The following RPRD2 variants were observed in gnomAD, a reference collection of about 807,000 sequenced individuals.
RPRD2 encodes regulation of nuclear pre-mRNA domain-containing protein 2.
RPRD2 carries 12 observed loss-of-function variants against 104.4 expected under a neutral mutation model. The ratio of observed to expected loss-of-function variants is 0.11; its 90% confidence interval spans 0.07 to 0.19. RPRD2 has a LOEUF of 0.19. RPRD2 is among the 10% of genes least tolerant of loss of function. The probability of loss-of-function intolerance (pLI) is 1.00; values close to 1 mark genes in which losing one functional copy is unlikely to be tolerated. For missense variants in RPRD2, 1,543 were observed against 1,790.1 expected, an observed-to-expected ratio of 0.86 and a Z score of 2.49; for synonymous variants, 714 against 684.9, an observed-to-expected ratio of 1.04 and a Z score of -0.66.
At position 150,398,535 on chromosome 1, in the gene RPRD2, T is replaced by TCCTTTC. The variant is rs587626283; in HGVS notation, c.206-19043_206-19038dup. Among the ~76,000 whole-genome samples the TCCTTTC allele has an allele frequency of 7.1e-4, 107 of 151,248 alleles. 2 individuals are homozygous for TCCTTTC. The East Asian group carries it at 0.019, about 27-fold the overall frequency. ...TTATTTCCTTCCTTCTTTCCTTCCT[T>TCCTTTC]CCTTTCCCTTTCCCTTTCCCTTTTT... On this transcript the variant is annotated intron_variant, in intron 1 of 10. Transcript: ENST00000369068.
At chr1:150,418,336 T>C (rs782417227) in intron 2 of RPRD2, among the ~76,000 whole-genome samples, 11 of 152,206 alleles carry the variant, frequency 7.2e-5, no homozygotes, top group Non-Finnish European at 1.3e-4. Context: ...TACTTGACCA[T>C]GTATGTCTCC....
In RPRD2 at chr1:150,402,324, A is replaced by G. The variant is rs587757628; in HGVS notation, c.206-15272A>G. 2.0e-4 allele frequency among the ~76,000 whole-genome samples: 30 copies of G among 152,330 alleles called. No homozygotes were observed. In the South Asian group the frequency reaches 6.0e-3, roughly 30 times the overall value. ...TTCAGTTCAGCAGTTCTACTCTTGC[A>G]CATGTGCCCCAGAATACAGATATAA... On this transcript the variant is annotated intron_variant, in intron 1 of 10. Transcript: ENST00000369068.
At chr1:150,452,204 C>A (rs1667233524) in intron 7 of RPRD2, among the ~76,000 whole-genome samples, 1 of 147,740 alleles carries the variant, frequency 6.8e-6, no homozygotes, top group African/African-American at 2.5e-5. Context: ...ACAGGGAGAA[C>A]ATCATGTGAC....
At chr1:150,392,366 G>A (rs1232745918) in intron 1 of RPRD2, among the ~76,000 whole-genome samples, 5 of 152,166 alleles carry the variant, frequency 3.3e-5, no homozygotes, top group East Asian at 3.9e-4. Context: ...TTAGCTGGGC[G>A]TGGTGGCACA....
intron 4 of RPRD2, among the ~76,000 whole-genome samples, chr1:150,442,907 A>G (rs1666502343): frequency 6.6e-6 from 1 of 152,032 alleles, no homozygotes; most frequent in African/African-American, 2.4e-5. Context: ...AATTTGAGGT[A>G]TTTAGATCCT....
intron 2 of RPRD2, among the ~76,000 whole-genome samples, chr1:150,440,136 A>G (rs1413849560): frequency 6.6e-6 from 1 of 152,110 alleles, no homozygotes; most frequent in Non-Finnish European, 1.5e-5. Flanking sequence ...AGTAGAGATA[A>G]GGTCTCTCTC....
At chr1:150,411,788 C>CAAAAAAA (rs71086508) in intron 1 of RPRD2, among the ~76,000 whole-genome samples, 11 of 70,724 alleles carry the variant, frequency 1.6e-4, no homozygotes, top group African/African-American at 9.1e-4. Context: ...TAGACTGTCT[C>CAAAAAAA]AAAAAAAAAA....
rs1286892184 is a variant in RPRD2, at chr1:150,473,302, C to T, written c.4354C>T (p.Pro1452Ser). Residue 1452 changes from proline to serine, a missense_variant, in exon 11 of 11, where the codon CCA becomes TCA. Pro to Ser is a moderately conservative substitution (Grantham distance 74). Around this residue, in one of 4 missense-constraint regions of RPRD2, gnomAD observed 880 missense variants for 885.6 expected, o/e 0.99. Transcript: ENST00000369068. ...PFARGPPFFAPKRPFFPPRY is the reference protein window; with the variant it reads ...PFARGPPFFASKRPFFPPRY ...TGCTAGGGGCCCTCCGTTCTTTGCA[C>T]CAAAACGCCCATTCTTCCCTCCCAG... The T allele has an allele frequency of 6.2e-7, 1 of 1,612,610 alleles. No individual in the cohort carries two copies. Among genetic ancestry groups the T allele is most frequent in the Non-Finnish European group, 8.5e-7 (1 of 1,179,254 alleles).
intron 1 of RPRD2, among the ~76,000 whole-genome samples, chr1:150,376,594 G>A (rs1330153578): frequency 2.0e-5 from 3 of 150,020 alleles, no homozygotes; most frequent in Non-Finnish European, 4.4e-5. Context: ...TCCGCCTCCC[G>A]GGTTCACGCC....
chr1:150,446,147 G>T, intron 6 of RPRD2, 79 bp from the exon 7 acceptor site: 1 of 992,744 alleles, frequency 1.0e-6, no homozygotes, highest in South Asian at 1.8e-5. Flanking sequence ...ACAAAGAGAG[G>T]TTTTCTTCAA....
chr1:150,439,640 T>TG (rs1377606931), intron 2 of RPRD2, among the ~76,000 whole-genome samples: 3 of 151,922 alleles, frequency 2.0e-5, no homozygotes, highest in African/African-American at 7.3e-5. Context: ...TTTTTTTTTT[T>TG]TGTCTTCAAT....
rs1659670854 is a variant in RPRD2 at position 150,364,495 on chromosome 1, C to T, written c.-220C>T. On this transcript the variant is annotated 5_prime_UTR_variant, in exon 1 of 11. Transcript: ENST00000369068. ...CAATATTGATAAAACCTCCGAGACCCGCAGCCCCTCCTTGCAGCGTGTAGG... is the reference window on the plus strand; with the variant it reads ...CAATATTGATAAAACCTCCGAGACCTGCAGCCCCTCCTTGCAGCGTGTAGG... 6.6e-6 allele frequency among the ~76,000 whole-genome samples: 1 copy of T among 152,046 alleles called. No individual in the cohort carries two copies. The highest frequency in any genetic ancestry group is 1.5e-5 in the Non-Finnish European group (1 of 68,020).
chr1:150,364,776 G>C lies in RPRD2; in HGVS notation c.62G>C (p.Gly21Ala). The change falls in exon 1 of 11, where the codon GGG (glycine) becomes GCG (alanine). Residue 21 changes from glycine (G) to alanine (A), a missense_variant. This residue lies in a region of RPRD2 where 88 missense variants were observed against 96.6 expected (regional missense o/e 0.91). Coordinates refer to ENST00000369068, the MANE Select transcript of RPRD2 (RefSeq NM_015203.5). ...TCCTCCTCGTCGGCCTCTTCGGCAG[G>C]GGCTCTGGAGTCCTCGTTGGATCGA... ...KASSSSASSA[G>A]ALESSLDRKF... The C allele has an allele frequency of 1.2e-6, 2 of 1,611,286 alleles. No homozygotes were observed. The highest frequency in any genetic ancestry group is 1.7e-6 in the Non-Finnish European group (2 of 1,178,700).
At chr1:150,402,709 G>C (rs146927482) in intron 1 of RPRD2, among the ~76,000 whole-genome samples, 1 of 152,098 alleles carries the variant, frequency 6.6e-6, no homozygotes, top group African/African-American at 2.4e-5. Context: ...GCTCACGCCT[G>C]TAATCCCAGC....
At chr1:150,386,927 ACT>A (rs1423766077) in intron 1 of RPRD2, among the ~76,000 whole-genome samples, 2 of 152,230 alleles carry the variant, frequency 1.3e-5, no homozygotes, top group African/African-American at 2.4e-5. Context: ...TGTTTACATT[ACT>A]CTCAACTGGA....
At position 150,473,010 on chromosome 1, in the gene RPRD2, A is replaced by C. The variant is rs1208689680; in HGVS notation, c.4062A>C (p.Gln1354His). 4 of 1,613,842 alleles carry C rather than the reference A, an allele frequency of 2.5e-6. No homozygotes were observed. Among genetic ancestry groups the C allele is most frequent in the Non-Finnish European group, 3.4e-6 (4 of 1,179,874 alleles). The change falls in exon 11 of 11, where the codon CAA becomes CAC. Residue 1354 changes from glutamine to histidine, a missense_variant. Around this residue, in one of 4 missense-constraint regions of RPRD2, gnomAD observed 880 missense variants for 885.6 expected, o/e 0.99. Transcript: ENST00000369068. ...CCAGGGACCACGGGGGCCCCACCCA[A>C]CGGGACCTCAACGGCCCTGGCCTTA... is the stretch of plus-strand genomic sequence containing the variant. The part of the protein sequence containing the change: ...PGPRDHGGPT[Q>H]RDLNGPGLSR...
Position 150,473,163 on chromosome 1 carries a change from C to T in RPRD2, c.4215C>T (p.Asp1405=). ...SGPPLGPSHR[D]TISRSGIILR... ...CCCCCTTGGGTCCCTCACACAGAGA[C>T]ACCATCAGCCGGAGTGGTATAATCT... The change falls in exon 11 of 11, where the codon GAC becomes GAT. Residue 1405 remains aspartate, a synonymous_variant. Transcript: ENST00000369068. 1 of 1,613,968 alleles carries T rather than the reference C, an allele frequency of 6.2e-7. No individual in the cohort carries two copies. The highest frequency in any genetic ancestry group is 2.2e-5 in the East Asian group (1 of 44,866).
At chr1:150,376,983 G>GGCGGATCACGAGGTCA in intron 1 of RPRD2, among the ~76,000 whole-genome samples, 1 of 151,142 alleles carries the variant, frequency 6.6e-6, no homozygotes, top group East Asian at 2.0e-4. Flanking sequence ...GGCCAAGGTG[G>GGCGGATCACGAGGTCA]GGAGATCACC....
In RPRD2 at chr1:150,472,744, C is replaced by G; in HGVS notation, c.3796C>G (p.Pro1266Ala). ...TCCTCCTGGAGAGCACAGTGGAATT[C>G]CTTTCCCTACCCCACCTCCTCCTCC... is the stretch of plus-strand genomic sequence containing the variant. Reference protein sequence around the residue: ...PPPPGEHSGIPFPTPPPPPPP... With the variant: ...PPPPGEHSGIAFPTPPPPPPP... The change falls in exon 11 of 11, where the codon CCT (proline) becomes GCT (alanine). Residue 1266 changes from proline to alanine, a missense_variant. Pro to Ala is a conservative substitution (Grantham distance 27, BLOSUM62 -1). Around this residue, in one of 4 missense-constraint regions of RPRD2, gnomAD observed 880 missense variants for 885.6 expected, o/e 0.99. Coordinates refer to ENST00000369068, the MANE Select transcript of RPRD2 (RefSeq NM_015203.5). 6.2e-7 allele frequency: 1 copy of G among 1,612,834 alleles called. No homozygotes were observed. The highest frequency in any genetic ancestry group is 8.5e-7 in the Non-Finnish European group (1 of 1,178,984).
Sources: allele counts gnomAD v4.1 joint callset (sites outside exome capture counted in the v4.1 genomes callset), GRCh38; gene constraint gnomAD v4.1.1; regional missense constraint gnomAD v4.1.1; transcripts MANE v1.5; gene names NCBI Gene and HGNC (gene_info 2026-07-23, HGNC 2026-07-21).